Variants in YTHDF1 observed in about 807,000 individuals in gnomAD.
YTHDF1 encodes the protein YTH N6-methyladenosine RNA binding protein F1, also known as YTH domain-containing family protein 1.
YTHDF1 carries 16 observed loss-of-function variants against 49.1 expected under a neutral mutation model. The ratio of observed to expected loss-of-function variants is 0.33; its 90% CI spans 0.22 to 0.49. YTHDF1 has a LOEUF of 0.49. YTHDF1 is among the 20% of genes least tolerant of loss of function. The probability of loss-of-function intolerance (pLI) is 0.99; values close to 1 mark genes in which losing one functional copy is unlikely to be tolerated. For synonymous variants in YTHDF1, 313 were observed against 290.1 expected, an observed-to-expected ratio of 1.08 and a Z score of -0.80; for missense variants, 621 against 744.3, an observed-to-expected ratio of 0.83 and a Z score of 1.93.
Position 63,215,949 on chromosome 20 carries a change from G to C in YTHDF1, c.-57C>G. ...CGCCCGCCGGCTCGGGCCTCCCCTAGAGGCCGGGCCTGTCACCCTAGCTCG... is the reference window on the plus strand; with the variant it reads ...CGCCCGCCGGCTCGGGCCTCCCCTACAGGCCGGGCCTGTCACCCTAGCTCG... On this transcript the variant is annotated 5_prime_UTR_variant, in exon 1 of 5. Coordinates refer to ENST00000370339, the MANE Select transcript of YTHDF1 (RefSeq NM_017798.4). 2.3e-6 allele frequency: 3 copies of C among 1,284,302 alleles called. No homozygotes were observed. The highest frequency in any genetic ancestry group is 1.6e-5 in the African/African-American group (1 of 64,146). 79.6% of individuals were successfully genotyped at this position (1,284,302 alleles called of 1,614,324 possible).
intron 4 of YTHDF1, among the ~76,000 whole-genome samples, chr20:63,201,322 T>C (rs895025548): frequency 6.6e-6 from 1 of 152,068 alleles, no homozygotes; most frequent in East Asian, 1.9e-4. Flanking sequence ...TCCTTTAACA[T>C]AGAGAACTGA....
Position 63,211,090 on chromosome 20 carries a change from C to A in YTHDF1, c.132+2774G>T, listed in dbSNP as rs1360600131. 2.2e-5 allele frequency among the ~76,000 whole-genome samples: 3 copies of A among 136,538 alleles called. No individual in the cohort carries two copies. The East Asian group carries it at 7.3e-4, about 33-fold the overall frequency. 89.6% of individuals were successfully genotyped at this position (136,538 alleles called of 152,430 possible). A position where few individuals can be genotyped will look rare whatever the true frequency, so the allele number is the denominator to read the frequency against. On this transcript the variant is annotated intron_variant, in intron 3 of 4. Coordinates refer to ENST00000370339, the MANE Select transcript of YTHDF1 (RefSeq NM_017798.4). ...TTCTCCTAAGACTTTCTAAACCATTCTAAGTATGACAGTTTCACACAAAAC... is the reference window on the plus strand; with the variant it reads ...TTCTCCTAAGACTTTCTAAACCATTATAAGTATGACAGTTTCACACAAAAC...
rs2066493896 is a variant in YTHDF1, at chr20:63,196,682, A to G, written c.*26T>C. The stretch of plus-strand genomic sequence containing the variant: ...TAAACTGTTTTCAAAGTCAAACGTT[A>G]GAACATGTAAGAAACTGGTTCGCCC... On this transcript the variant is annotated 3_prime_UTR_variant, in exon 5 of 5. Coordinates refer to ENST00000370339, the MANE Select transcript of YTHDF1 (RefSeq NM_017798.4). The G allele has an allele frequency of 6.2e-7, 1 of 1,613,698 alleles. No individual in the cohort carries two copies. The highest frequency in any genetic ancestry group is 1.3e-5 in the African/African-American group (1 of 74,934).
chr20:63,214,186 C>A, intron 2 of YTHDF1: 1 of 875,158 alleles, frequency 1.1e-6, no homozygotes, highest in Non-Finnish European at 1.4e-6. Flanking sequence ...TGAGATTAAC[C>A]AAATCAAGTG....
chr20:63,215,302 G>A (rs1449487663), intron 2 of YTHDF1, among the ~76,000 whole-genome samples: 1 of 152,188 alleles, frequency 6.6e-6, no homozygotes, highest in Non-Finnish European at 1.5e-5. Context: ...ATGTCCACCC[G>A]GCTCTCCTAC....
At chr20:63,201,885 A>G (rs992167450) in intron 4 of YTHDF1, among the ~76,000 whole-genome samples, 1 of 152,246 alleles carries the variant, frequency 6.6e-6, no homozygotes, top group Admixed American at 6.5e-5. Flanking sequence ...TGCTTCGTGA[A>G]TATCACCTAA....
chr20:63,208,856 G>A (rs1427156086), intron 3 of YTHDF1, among the ~76,000 whole-genome samples: 1 of 152,166 alleles, frequency 6.6e-6, no homozygotes, highest in Non-Finnish European at 1.5e-5. Context: ...TAGATGCTCT[G>A]ATGAGGCATT....
chr20:63,213,396 C>T (rs367743732), intron 3 of YTHDF1, among the ~76,000 whole-genome samples: 9 of 152,324 alleles, frequency 5.9e-5, no homozygotes, highest in South Asian at 2.1e-4. Context: ...CACGCCATTG[C>T]GCTCCAGCCT....
chr20:63,199,518 T>TA (rs11386506), intron 4 of YTHDF1, among the ~76,000 whole-genome samples: 40,913 of 138,168 alleles, frequency 0.3, 5,968 homozygotes, highest in East Asian at 0.51. Flanking sequence ...GATTCTGTCT[T>TA]AAAAAAAAAA....
intron 3 of YTHDF1, among the ~76,000 whole-genome samples, chr20:63,207,705 A>G (rs986564430): frequency 6.6e-5 from 10 of 151,882 alleles, no homozygotes; most frequent in Non-Finnish European, 1.3e-4. Flanking sequence ...ACCTCATCGA[A>G]GAAAGGCTAA....
rs929887613 is a variant in YTHDF1 at position 63,216,049 on chromosome 20, C to A, written c.-157G>T. 8.4e-6 allele frequency: 4 copies of A among 474,170 alleles called. No individual in the cohort carries two copies. The highest frequency in any genetic ancestry group is 1.1e-5 in the Non-Finnish European group (4 of 364,110). 29.4% of individuals were successfully genotyped at this position (474,170 alleles called of 1,614,324 possible). A position where few individuals can be genotyped will look rare whatever the true frequency, so the allele number is the denominator to read the frequency against. ...GCGGCGGCTGCTGGGCGCGCGGGCC[C>A]CTGGCGAGGCGGCAGCGGCGGTGAG... On this transcript the variant is annotated 5_prime_UTR_variant, in exon 1 of 5. Coordinates refer to ENST00000370339, the MANE Select transcript of YTHDF1 (RefSeq NM_017798.4).
In YTHDF1 at chr20:63,215,937, G is replaced by A. The variant is rs554284238; in HGVS notation, c.-45C>T. 1.6e-5 allele frequency: 22 copies of A among 1,346,952 alleles called. No homozygotes were observed. Among genetic ancestry groups the A allele is most frequent in the Middle Eastern group, 5.5e-4 (2 of 3,636 alleles). 83.4% of individuals were successfully genotyped at this position (1,346,952 alleles called of 1,614,324 possible). A position where few individuals can be genotyped will look rare whatever the true frequency, so the allele number is the denominator to read the frequency against. ...GCGGGGCCGGGGCGCCCGCCGGCTC[G>A]GGCCTCCCCTAGAGGCCGGGCCTGT... On this transcript the variant is annotated 5_prime_UTR_variant, in exon 1 of 5. Coordinates refer to ENST00000370339, the MANE Select transcript of YTHDF1 (RefSeq NM_017798.4).
intron 3 of YTHDF1, among the ~76,000 whole-genome samples, chr20:63,211,114 A>ACACAGAAAC (rs11472791): frequency 0.013 from 1,968 of 151,494 alleles, 93 homozygotes; most frequent in Admixed American, 0.093. Context: ...TTCACACAAA[A>ACACAGAAAC]CACGGTAGCC....
chr20:63,212,376 A>G (rs1601240311), intron 3 of YTHDF1, among the ~76,000 whole-genome samples: 1 of 152,372 alleles, frequency 6.6e-6, no homozygotes. Flanking sequence ...CACCTCAGAA[A>G]AGGGCAGACT....
intron 3 of YTHDF1, among the ~76,000 whole-genome samples, chr20:63,205,202 T>C (rs994756240): frequency 6.6e-6 from 1 of 152,092 alleles, no homozygotes; most frequent in African/African-American, 2.4e-5. Flanking sequence ...CATCAAAGGC[T>C]ACACTATGAA....
chr20:63,209,724 CAAAA>C (rs2066564992), intron 3 of YTHDF1, among the ~76,000 whole-genome samples: 3 of 152,102 alleles, frequency 2.0e-5, no homozygotes, highest in African/African-American at 7.2e-5. Flanking sequence ...CAAAACAAAA[CAAAA>C]AAACCAAAAA....
chr20:63,207,811 T>C (rs2066555114), intron 3 of YTHDF1, among the ~76,000 whole-genome samples: 1 of 151,918 alleles, frequency 6.6e-6, no homozygotes, highest in Non-Finnish European at 1.5e-5. Flanking sequence ...TCGAGACTAG[T>C]CTGATCAATA....
At chr20:63,215,667 T>A (rs1601242782) in intron 1 of YTHDF1, 66 bp from the exon 2 acceptor site, 1 of 1,556,710 alleles carries the variant, frequency 6.4e-7, no homozygotes, top group East Asian at 2.4e-5. Flanking sequence ...CACAAAGTTA[T>A]TCACCAGAGA....
intron 4 of YTHDF1, 103 bp downstream of exon 4, chr20:63,202,184 A>C: frequency 6.9e-7 from 1 of 1,453,338 alleles, no homozygotes; most frequent in South Asian, 1.4e-5. Flanking sequence ...CACGAGACTC[A>C]GCTCGGCGGA....
Sources: allele counts gnomAD v4.1 joint callset (sites outside exome capture counted in the v4.1 genomes callset), GRCh38; gene constraint gnomAD v4.1.1; transcripts MANE v1.5; gene names NCBI Gene and HGNC (gene_info 2026-07-23, HGNC 2026-07-21).